DNAH6: variants seen among roughly 807,000 people sequenced by gnomAD.
DNAH6 encodes the protein dynein axonemal heavy chain 6.
DNAH6 carries 340 observed loss-of-function variants against 491.4 expected under a neutral mutation model. The ratio of observed to expected loss-of-function variants is 0.69; its 90% CI spans 0.63 to 0.76. The LOEUF (loss-of-function observed/expected upper bound fraction) is 0.76. Among genes scored for constraint, DNAH6 ranks in the 30% least tolerant of loss-of-function variants. The pLI is 0.00. For synonymous variants in DNAH6, 1,603 were observed against 1,686.1 expected, an observed-to-expected ratio of 0.95 and a Z score of 1.21; for missense variants, 4,443 against 4,972.2, an observed-to-expected ratio of 0.89 and a Z score of 3.20.
chr2:84,522,923 T>G (rs78870317), intron 2 of DNAH6, among the ~76,000 whole-genome samples: 1 of 152,110 alleles, frequency 6.6e-6, no homozygotes, highest in African/African-American at 2.4e-5. Context: ...GCCTGAAGTT[T>G]TCTTTTGTGT....
the DNAH6 span, among the ~76,000 whole-genome samples, chr2:84,485,740 G>A: frequency 6.6e-6 from 1 of 151,732 alleles, no homozygotes; most frequent in Non-Finnish European, 1.5e-5. Context: ...ATCTCTTTAC[G>A]GCAAGAGTGG....
intron 49 of DNAH6, 52 bp downstream of exon 49, chr2:84,701,391 T>C: frequency 6.6e-7 from 1 of 1,519,838 alleles, no homozygotes; most frequent in South Asian, 1.2e-5. Flanking sequence ...CTCAGAACTT[T>C]TGAGAATGCA....
Position 84,622,414 on chromosome 2 carries a change from A to T in DNAH6, c.4071+863A>T, listed in dbSNP as rs373359423. Among the ~76,000 whole-genome samples the T allele has an allele frequency of 5.3e-5, 8 of 151,902 alleles. No homozygotes were observed. The East Asian group carries it at 7.7e-4, about 15-fold the overall frequency. On this transcript the variant is annotated intron_variant, in intron 26 of 76. Coordinates refer to ENST00000389394, the MANE Select transcript of DNAH6 (RefSeq NM_001370.2). ...ATGCGATCATAGCACACAGCTAATT[A>T]TTTTTATTATTATTATTTTTTGTAG...
chr2:84,501,828 C>T, the DNAH6 span, among the ~76,000 whole-genome samples: 2 of 151,124 alleles, frequency 1.3e-5, no homozygotes, highest in South Asian at 2.1e-4. Flanking sequence ...TTGGTCATAG[C>T]AGCCACTAAT....
intron 64 of DNAH6, among the ~76,000 whole-genome samples, chr2:84,779,860 C>T (rs1260955520): frequency 6.6e-6 from 1 of 152,094 alleles, no homozygotes; most frequent in Non-Finnish European, 1.5e-5. Context: ...AATTGCTTAT[C>T]TGGAAAAGCT....
chr2:84,589,711 CA>C (rs1301777970), intron 16 of DNAH6, among the ~76,000 whole-genome samples: 1,153 of 58,344 alleles, frequency 0.02, 6 homozygotes, highest in African/African-American at 0.057. Flanking sequence ...GACCCTGTCT[CA>C]AAAAAAAAAA....
chr2:84,517,745 C>A, intron 1 of DNAH6, 74 bp from the exon 2 acceptor site: 1 of 1,142,958 alleles, frequency 8.7e-7, no homozygotes. Context: ...TCCTTAAGTC[C>A]CTCTCCAGTA....
At chr2:84,466,947 A>G in the DNAH6 span, among the ~76,000 whole-genome samples, 1,658 of 152,336 alleles carry the variant, frequency 0.011, 29 homozygotes, top group African/African-American at 0.038. Flanking sequence ...AGTTTCCCAT[A>G]GTTTTGGAAC....
At position 84,718,213 on chromosome 2, in the gene DNAH6, G is replaced by A. The variant is rs1573589552; in HGVS notation, c.9621G>A (p.Val3207=). ...GLEDQLLSDV[V]RLEKPRLEEQ... ...TGAACTTTGGTTTTAGTGATGTGGT[G>A]CGACTTGAAAAACCCAGGTTGGAAG... Residue 3207 remains valine, a synonymous_variant, in exon 59 of 77, where the codon GTG becomes GTA. Transcript: ENST00000389394. The A allele has an allele frequency of 2.0e-6, 3 of 1,531,274 alleles. No homozygotes were observed. Among genetic ancestry groups the A allele is most frequent in the South Asian group, 1.3e-5 (1 of 79,646 alleles). The allele number at this position is 1,531,274 out of a possible 1,614,324, so 94.9% of individuals were successfully genotyped here.
chr2:84,611,560 A>G (rs1686334992), intron 21 of DNAH6, 114 bp from the exon 22 acceptor site: 2 of 912,636 alleles, frequency 2.2e-6, no homozygotes, highest in Admixed American at 5.2e-5. Context: ...GAGGAGTCAT[A>G]ACACCACCCT....
At chr2:84,504,095 T>A in the DNAH6 span, among the ~76,000 whole-genome samples, 1 of 152,112 alleles carries the variant, frequency 6.6e-6, no homozygotes, top group Admixed American at 6.6e-5. Context: ...TTTTTGTTAT[T>A]TTTTTCTTTT....
chr2:84,559,579 A>G (rs777902204), intron 11 of DNAH6, among the ~76,000 whole-genome samples: 53 of 152,052 alleles, frequency 3.5e-4, no homozygotes, highest in Non-Finnish European at 6.5e-4. Context: ...AGTATATCCA[A>G]CTCTTTTCCT....
At chr2:84,533,843 A>G (rs1261719817) in intron 4 of DNAH6, among the ~76,000 whole-genome samples, 2 of 152,188 alleles carry the variant, frequency 1.3e-5, no homozygotes, top group Non-Finnish European at 2.9e-5. Flanking sequence ...TTCTGGATCC[A>G]TAGATTGTCT....
chr2:84,581,565 A>G (rs4832098), intron 14 of DNAH6, among the ~76,000 whole-genome samples: 142,070 of 152,300 alleles, frequency 0.93, 66,302 homozygotes, highest in East Asian at 0.99. Context: ...TGGAGGATGG[A>G]ATATTTAAGC....
chr2:84,776,317 T>C (rs1676117509), intron 64 of DNAH6, among the ~76,000 whole-genome samples: 2 of 152,160 alleles, frequency 1.3e-5, no homozygotes, highest in African/African-American at 4.8e-5. Context: ...TCAGAGGTGG[T>C]AGAACTATTT....
intron 11 of DNAH6, among the ~76,000 whole-genome samples, chr2:84,566,942 T>C (rs1681260087): frequency 6.6e-6 from 1 of 152,036 alleles, no homozygotes; most frequent in Non-Finnish European, 1.5e-5. Context: ...AAGATAAAAT[T>C]AGATCTATGG....
chr2:84,638,636 A>AGACT (rs1310160456), intron 31 of DNAH6, among the ~76,000 whole-genome samples: 1 of 152,274 alleles, frequency 6.6e-6, no homozygotes, highest in African/African-American at 2.4e-5. Flanking sequence ...AGAATAGAGT[A>AGACT]GACTGTGCCA....
At chr2:84,600,486 C>A (rs968808813) in intron 18 of DNAH6, among the ~76,000 whole-genome samples, 1 of 152,062 alleles carries the variant, frequency 6.6e-6, no homozygotes, top group Non-Finnish European at 1.5e-5. Context: ...ATTTAATTGT[C>A]ATGTCTTCTT....
chr2:84,541,786 TTA>T (rs1464917597), intron 4 of DNAH6, among the ~76,000 whole-genome samples: 2 of 152,222 alleles, frequency 1.3e-5, no homozygotes, highest in Non-Finnish European at 1.5e-5. Flanking sequence ...ATTTTTTTTG[TTA>T]TTTGCTTTGA....
Sources: allele counts gnomAD v4.1 joint callset (sites outside exome capture counted in the v4.1 genomes callset), GRCh38; gene constraint gnomAD v4.1.1; transcripts MANE v1.5; gene names NCBI Gene and HGNC (gene_info 2026-07-23, HGNC 2026-07-21).